IMPG1: variants seen among roughly 807,000 people sequenced by gnomAD.
IMPG1 encodes the protein interphotoreceptor matrix proteoglycan 1, also known as interphotoreceptor matrix proteoglycan of 150 kDa.
In IMPG1, 85 loss-of-function variants were observed where a neutral mutation model predicts 92.0. That is an observed-to-expected ratio of 0.92 (90% CI 0.78 to 1.11). The LOEUF (loss-of-function observed/expected upper bound fraction) is 1.11. Among genes scored for constraint, IMPG1 ranks in the 50% least tolerant of loss-of-function variants. The probability of loss-of-function intolerance (pLI) is 0.00; values close to 1 mark genes in which losing one functional copy is unlikely to be tolerated. For missense variants in IMPG1, 1,022 were observed against 956.0 expected, an observed-to-expected ratio of 1.07 and a Z score of -0.91; for synonymous variants, 367 against 334.1, an observed-to-expected ratio of 1.10 and a Z score of -1.08.
intron 14 of IMPG1, among the ~76,000 whole-genome samples, chr6:75,937,953 G>A (rs1781775259): frequency 6.6e-6 from 1 of 152,194 alleles, no homozygotes; most frequent in Non-Finnish European, 1.5e-5. Context: ...AGCCCTACAT[G>A]CTTCTGAAGA....
intron 2 of IMPG1, 90 bp downstream of exon 2, chr6:76,041,803 G>C (rs1783846818): frequency 1.3e-6 from 1 of 799,412 alleles, no homozygotes; most frequent in Non-Finnish European, 2.1e-6. Flanking sequence ...TGACAGAACT[G>C]GAAGTTTTAG....
At chr6:75,938,228 C>A (rs1562340143) in intron 14 of IMPG1, among the ~76,000 whole-genome samples, 3 of 152,146 alleles carry the variant, frequency 2.0e-5, no homozygotes. Flanking sequence ...ATTGCTAATC[C>A]TCATTTAGAG....
chr6:76,046,965 A>G (rs1331960944), intron 1 of IMPG1, among the ~76,000 whole-genome samples: 1 of 152,240 alleles, frequency 6.6e-6, no homozygotes, highest in African/African-American at 2.4e-5. Context: ...ATAAAATAAA[A>G]TATCAGCAAT....
At chr6:76,025,743 T>C (rs3822993) in intron 4 of IMPG1, among the ~76,000 whole-genome samples, 50,811 of 151,968 alleles carry the variant, frequency 0.33, 8,775 homozygotes, top group East Asian at 0.48. Context: ...CTGGGTAATA[T>C]AAATTTACTA....
In IMPG1 at chr6:75,921,906, C is replaced by G. The variant is rs146548700; in HGVS notation, c.*183G>C. ...AATAATAAGTAAGTGTCTTTTTCTTCAGAATTTACTGGTTGCCAAGTACAT... is the reference window on the plus strand; with the variant it reads ...AATAATAAGTAAGTGTCTTTTTCTTGAGAATTTACTGGTTGCCAAGTACAT... On this transcript the variant is annotated 3_prime_UTR_variant, in exon 17 of 17. Coordinates refer to ENST00000369950, the MANE Select transcript of IMPG1 (RefSeq NM_001563.4). The G allele has an allele frequency of 1.0e-4, 45 of 434,614 alleles. No homozygotes were observed. In the East Asian group the frequency reaches 1.5e-3, roughly 15 times the overall value. 26.9% of individuals were successfully genotyped at this position (434,614 alleles called of 1,614,324 possible).
chr6:76,000,119 T>C (rs541802889), intron 12 of IMPG1, among the ~76,000 whole-genome samples: 18 of 152,236 alleles, frequency 1.2e-4, no homozygotes, highest in Non-Finnish European at 2.2e-4. Flanking sequence ...CAGATCTATA[T>C]TAGGTGACTA....
At chr6:75,983,747 C>G (rs1192699413) in intron 12 of IMPG1, among the ~76,000 whole-genome samples, 1 of 151,998 alleles carries the variant, frequency 6.6e-6, no homozygotes, top group African/African-American at 2.4e-5. Flanking sequence ...AAACTAAAAA[C>G]CTTCAGCACA....
At position 76,018,866 on chromosome 6, in the gene IMPG1, TAAAAA is replaced by T; in HGVS notation, c.667-13_667-9del. 2.7e-6 allele frequency: 4 copies of T among 1,463,318 alleles called. No homozygotes were observed. The highest frequency in any genetic ancestry group is 2.3e-5 in the Admixed American group (1 of 43,346). 90.6% of individuals were successfully genotyped at this position (1,463,318 alleles called of 1,614,324 possible). A position where few individuals can be genotyped will look rare whatever the true frequency, so the allele number is the denominator to read the frequency against. On this transcript the variant is annotated splice_polypyrimidine_tract_variant and intron_variant, in intron 6 of 16. Coordinates refer to ENST00000369950, the MANE Select transcript of IMPG1 (RefSeq NM_001563.4). ...GAATTCTGTTTCTCTTTCCTGAGTT[TAAAAA>T]AAAAAAAAAGGACTTCTGTTAACCT...
intron 15 of IMPG1, 67 bp downstream of exon 15, chr6:75,930,886 A>G: frequency 7.3e-7 from 1 of 1,376,208 alleles, no homozygotes; most frequent in Non-Finnish European, 1.0e-6. Context: ...ATTTACTCTA[A>G]TGATGGGTTT....
intron 1 of IMPG1, among the ~76,000 whole-genome samples, chr6:76,045,449 T>TG (rs1783923050): frequency 6.6e-6 from 1 of 151,116 alleles, no homozygotes; most frequent in Non-Finnish European, 1.5e-5. Context: ...ATCTTTTTTT[T>TG]TTTTTTTTTT....
At chr6:75,974,291 TTCTC>T (rs1782471649) in intron 12 of IMPG1, among the ~76,000 whole-genome samples, 1 of 150,842 alleles carries the variant, frequency 6.6e-6, no homozygotes, top group African/African-American at 2.5e-5. Context: ...TCTTCTTTCT[TTCTC>T]TTTCTTTTCT....
intron 1 of IMPG1, among the ~76,000 whole-genome samples, chr6:76,051,056 C>T (rs1345975402): frequency 6.6e-6 from 1 of 152,060 alleles, no homozygotes; most frequent in Non-Finnish European, 1.5e-5. Context: ...AGGAACAGAA[C>T]TCTATAGAGA....
intron 12 of IMPG1, among the ~76,000 whole-genome samples, chr6:75,959,839 T>C (rs1273540829): frequency 6.6e-6 from 1 of 152,144 alleles, no homozygotes; most frequent in African/African-American, 2.4e-5. Flanking sequence ...ACCACTTGGT[T>C]CCCTGGTTTC....
chr6:75,937,971 C>G (rs1352423986), intron 14 of IMPG1, among the ~76,000 whole-genome samples: 4 of 152,240 alleles, frequency 2.6e-5, no homozygotes, highest in Non-Finnish European at 5.9e-5. Flanking sequence ...AGAATTTTCA[C>G]AGCAGCCTAA....
At chr6:75,924,715 T>C (rs1781516498) in intron 15 of IMPG1, among the ~76,000 whole-genome samples, 10 of 28,172 alleles carry the variant, frequency 3.5e-4, no homozygotes, top group East Asian at 2.6e-3. Flanking sequence ...TAATATATAA[T>C]ATATAATATA....
chr6:75,997,762 G>C (rs1782926347), intron 12 of IMPG1, among the ~76,000 whole-genome samples: 1 of 152,022 alleles, frequency 6.6e-6, no homozygotes, highest in Non-Finnish European at 1.5e-5. Flanking sequence ...GCTTAGCACA[G>C]GAATTTTAAA....
In IMPG1 at chr6:76,025,206, C is replaced by G; in HGVS notation, c.550G>C (p.Val184Leu). 1 of 1,597,094 alleles carries G rather than the reference C, an allele frequency of 6.3e-7. No individual in the cohort carries two copies. Among genetic ancestry groups the G allele is most frequent in the Non-Finnish European group, 8.6e-7 (1 of 1,165,794 alleles). Residue 184 changes from valine to leucine, a missense_variant, in exon 5 of 17, where the codon GTC (valine) becomes CTC (leucine). Val to Leu is a conservative substitution (Grantham distance 32, BLOSUM62 1). Transcript: ENST00000369950. The stretch of plus-strand genomic sequence containing the variant: ...GATCTAAGCTTACCTGTTGAAATGA[C>G]AATGGTTTCACCAGGCTCTCCCAAT... ...KTLGEPGETI[V>L]ISTDVANVSL... is the part of the protein sequence containing the mutation.
intron 12 of IMPG1, among the ~76,000 whole-genome samples, chr6:75,965,603 GTTCTT>G (rs2149463444): frequency 1.6e-5 from 1 of 64,502 alleles, no homozygotes; most frequent in Admixed American, 1.7e-4. Flanking sequence ...CTACATACTT[GTTCTT>G]TTTTTTTTTT....
Position 75,996,071 on chromosome 6 carries a change from C to T in IMPG1, c.1291+6847G>A, listed in dbSNP as rs796297905. 2.0e-5 allele frequency among the ~76,000 whole-genome samples: 3 copies of T among 152,186 alleles called. No individual in the cohort carries two copies. The South Asian group carries it at 6.2e-4, about 32-fold the overall frequency. ...TGAAGTCCTTTTTACTCTGTGGTGTCCTGGAACATAAAGAGTTTGCTTGAA... is the reference window on the plus strand; with the variant it reads ...TGAAGTCCTTTTTACTCTGTGGTGTTCTGGAACATAAAGAGTTTGCTTGAA... On this transcript the variant is annotated intron_variant, in intron 12 of 16. Transcript: ENST00000369950.
Sources: gnomAD v4.1 joint callset for allele counts (sites outside exome capture counted in the v4.1 genomes callset) on GRCh38, gnomAD v4.1.1 for gene constraint, MANE v1.5 for transcripts, NCBI Gene and HGNC (gene_info 2026-07-23, HGNC 2026-07-21) for gene names.